ZNF426: variants seen among roughly 807,000 people sequenced by gnomAD.
ZNF426 encodes CTC-543D15.7.
A neutral mutation model predicts 24.0 loss-of-function variants in ZNF426; 23 were observed. That is an observed-to-expected ratio of 0.96 (90% confidence interval 0.69 to 1.36). The LOEUF (loss-of-function observed/expected upper bound fraction) is 1.36. Among genes scored for constraint, ZNF426 ranks in the 40% most tolerant of loss-of-function variants. The pLI, the probability that ZNF426 is intolerant of heterozygous loss-of-function variation, is 0.00. For synonymous variants in ZNF426, 272 were observed against 224.6 expected, an observed-to-expected ratio of 1.21 and a Z score of -1.89; for missense variants, 646 against 658.4, an observed-to-expected ratio of 0.98 and a Z score of 0.21.
At position 9,538,566 on chromosome 19, in the gene ZNF426, G is replaced by C. The variant is rs150566741; in HGVS notation, c.-212+9C>G. The C allele has an allele frequency of 6.6e-6, 1 of 152,170 alleles. No homozygotes were observed. The highest frequency in any genetic ancestry group is 1.5e-5 in the Non-Finnish European group (1 of 68,112). The allele number at this position is 152,170 out of a possible 1,614,324, so 9.4% of individuals were successfully genotyped here. On this transcript the variant is annotated intron_variant, in intron 1 of 7. Transcript: ENST00000253115. Reference sequence around the variant, plus strand: ...CACCCCAAAACCAGTTCATCTCCTCGGAACTCACCCAGGCCAGTGAGGCCT... The same window carrying C: ...CACCCCAAAACCAGTTCATCTCCTCCGAACTCACCCAGGCCAGTGAGGCCT...
intron 6 of ZNF426, 21 bp downstream of exon 6, chr19:9,532,824 T>G: frequency 1.3e-6 from 2 of 1,586,944 alleles, no homozygotes; most frequent in Non-Finnish European, 1.7e-6. Context: ...TCAACCAGAG[T>G]TGTTCTTCAT....
intron 2 of ZNF426, 62 bp from the exon 3 acceptor site, chr19:9,536,418 C>T (rs2073966528): frequency 6.9e-7 from 1 of 1,456,074 alleles, no homozygotes; most frequent in African/African-American, 1.4e-5. Context: ...AACATATACA[C>T]CGGCTGGGGC....
At chr19:9,529,836 T>G (rs1273803147) in intron 7 of ZNF426, among the ~76,000 whole-genome samples, 200 bp from the exon 8 acceptor site, 7 of 152,186 alleles carry the variant, frequency 4.6e-5, no homozygotes, top group Non-Finnish European at 1.0e-4. Flanking sequence ...TACTTTAATC[T>G]TGGCTAGGCA....
At position 9,531,718 on chromosome 19, in the gene ZNF426, C is replaced by T. The variant is rs373878635; in HGVS notation, c.326-651G>A. Among the ~76,000 whole-genome samples the T allele has an allele frequency of 7.3e-4, 111 of 152,332 alleles. 1 individual carries two copies. The Middle Eastern group carries it at 0.01, about 14-fold the overall frequency. ...CAATTAACTTGGCCGGGCACGGTGG[C>T]TCATGCCTTTAATCCCAGCACTTTG... On this transcript the variant is annotated intron_variant, in intron 6 of 7. Coordinates refer to ENST00000253115, the MANE Select transcript of ZNF426 (RefSeq NM_024106.3).
Position 9,528,341 on chromosome 19 carries a change from T to C in ZNF426, c.*39A>G, listed in dbSNP as rs2073821610. The C allele has an allele frequency of 3.3e-6, 5 of 1,531,874 alleles. No homozygotes were observed. The highest frequency in any genetic ancestry group is 2.1e-5 in the Admixed American group (1 of 47,582). The allele number at this position is 1,531,874 out of a possible 1,614,324, so 94.9% of individuals were successfully genotyped here. A position where few individuals can be genotyped will look rare whatever the true frequency, so the allele number is the denominator to read the frequency against. On this transcript the variant is annotated 3_prime_UTR_variant, in exon 8 of 8. Transcript: ENST00000253115. ...TGTCTTTAAAGTGAACTGGAACAAA[T>C]GAGAGCTTTCCCACATTTATTACAT...
intron 2 of ZNF426, chr19:9,536,680 G>A: frequency 4.7e-6 from 1 of 214,382 alleles, no homozygotes; most frequent in Non-Finnish European, 9.5e-6. Context: ...CCTCAACTGG[G>A]CCTTGATTGG....
rs1368975789 is a variant in ZNF426, at chr19:9,524,433, T to G, written c.*3947A>C. The G allele has an allele frequency of 6.6e-6, 1 of 152,160 alleles. No homozygotes were observed. Among genetic ancestry groups the G allele is most frequent in the Non-Finnish European group, 1.5e-5 (1 of 68,036 alleles). 9.4% of individuals were successfully genotyped at this position (152,160 alleles called of 1,614,324 possible). On this transcript the variant is annotated 3_prime_UTR_variant, in exon 8 of 8. Coordinates refer to ENST00000253115, the MANE Select transcript of ZNF426 (RefSeq NM_024106.3). ...GAGAGCTTTACCACAATTCTAACATTGATAAGATTTCTCTCCAGTGTGAGT... is the reference window on the plus strand; with the variant it reads ...GAGAGCTTTACCACAATTCTAACATGGATAAGATTTCTCTCCAGTGTGAGT...
In ZNF426 at chr19:9,525,838, T is replaced by G. The variant is rs1177461094; in HGVS notation, c.*2542A>C. 2 of 152,006 alleles carry G rather than the reference T, an allele frequency of 1.3e-5. No individual in the cohort carries two copies. The highest frequency in any genetic ancestry group is 2.9e-5 in the Non-Finnish European group (2 of 68,056). 9.4% of individuals were successfully genotyped at this position (152,006 alleles called of 1,614,324 possible). ...GACAGTGTCTCACTGTTTCCCAGGC[T>G]GGAGTGCAGTATCACAATCTCGGCT... On this transcript the variant is annotated 3_prime_UTR_variant, in exon 8 of 8. Transcript: ENST00000253115.
In ZNF426 at chr19:9,527,910, G is replaced by C. The variant is rs2073814106; in HGVS notation, c.*470C>G. Reference sequence around the variant, plus strand: ...ATCTTCTATTTGTTGTCTCAGTTGTGTCTTTCTCTTCTTATAGGGACACCA... The same window carrying C: ...ATCTTCTATTTGTTGTCTCAGTTGTCTCTTTCTCTTCTTATAGGGACACCA... On this transcript the variant is annotated 3_prime_UTR_variant, in exon 8 of 8. Coordinates refer to ENST00000253115, the MANE Select transcript of ZNF426 (RefSeq NM_024106.3). 6.5e-6 allele frequency: 1 copy of C among 153,324 alleles called. No individual in the cohort carries two copies. The highest frequency in any genetic ancestry group is 1.4e-5 in the Non-Finnish European group (1 of 69,076). 9.5% of individuals were successfully genotyped at this position (153,324 alleles called of 1,614,324 possible).
rs530550695 is a variant in ZNF426, at chr19:9,533,982, C to T, written c.118-16G>A. ...TCACTGAATCCTAAAGCATCACACA[C>T]ATGCTGGTTGGAGCCAAGTAACAAG... On this transcript the variant is annotated splice_polypyrimidine_tract_variant and intron_variant, in intron 4 of 7. Coordinates refer to ENST00000253115, the MANE Select transcript of ZNF426 (RefSeq NM_024106.3). The T allele has an allele frequency of 3.7e-6, 6 of 1,610,406 alleles. No homozygotes were observed. In the African/African-American group the frequency reaches 8.0e-5, roughly 22 times the overall value.
At chr19:9,536,501 G>A in intron 2 of ZNF426, 145 bp from the exon 3 acceptor site, 1 of 649,482 alleles carries the variant, frequency 1.5e-6, no homozygotes, top group Non-Finnish European at 2.5e-6. Context: ...AGAAGTTTGA[G>A]ACCAGCCTGG....
intron 7 of ZNF426, among the ~76,000 whole-genome samples, chr19:9,530,154 T>TG (rs2073861198): frequency 6.6e-6 from 1 of 152,054 alleles, no homozygotes; most frequent in South Asian, 2.1e-4. Context: ...AACAGATTTC[T>TG]GTAGAATTCA....
At chr19:9,536,424 G>C in intron 2 of ZNF426, 68 bp from the exon 3 acceptor site, 1 of 1,435,508 alleles carries the variant, frequency 7.0e-7, no homozygotes, top group African/African-American at 1.4e-5. Flanking sequence ...TACACCGGCT[G>C]GGGCAGTAGC....
chr19:9,527,849 G>A lies in ZNF426; in HGVS notation c.*531C>T, dbSNP rs1485522605. The A allele has an allele frequency of 6.6e-6, 1 of 152,406 alleles. No homozygotes were observed. The highest frequency in any genetic ancestry group is 2.4e-5 in the African/African-American group (1 of 41,372). 9.4% of individuals were successfully genotyped at this position (152,406 alleles called of 1,614,324 possible). A position where few individuals can be genotyped will look rare whatever the true frequency, so the allele number is the denominator to read the frequency against. On this transcript the variant is annotated 3_prime_UTR_variant, in exon 8 of 8. Transcript: ENST00000253115. ...GGATCTGTCCCAGTGCTCTGTCTTT[G>A]GCTTGCAGATGGCCATCATCTGATG...
Position 9,528,491 on chromosome 19 carries a change from G to A in ZNF426, c.1554C>T (p.Ser518=). 1 of 1,613,982 alleles carries A rather than the reference G, an allele frequency of 6.2e-7. No individual in the cohort carries two copies. The highest frequency in any genetic ancestry group is 1.1e-5 in the South Asian group (1 of 91,068). ...TGTGAGTTTTTTCATGAATTCTAAA[G>A]GAACTGGAACACGTGAAGGCTTTCC... ...ECGKAFTCSS[S]FRIHEKTHTE... The change falls in exon 8 of 8, where the codon TCC becomes TCT. Residue 518 remains serine (S), a synonymous_variant. Transcript: ENST00000253115.
In ZNF426 at chr19:9,525,268, A is replaced by AT. The variant is rs1189627963; in HGVS notation, c.*3111dup. 5 of 151,758 alleles carry AT rather than the reference A, an allele frequency of 3.3e-5. No homozygotes were observed. The highest frequency in any genetic ancestry group is 2.6e-4 in the Admixed American group (4 of 15,224). 9.4% of individuals were successfully genotyped at this position (151,758 alleles called of 1,614,324 possible). On this transcript the variant is annotated 3_prime_UTR_variant, in exon 8 of 8. Coordinates refer to ENST00000253115, the MANE Select transcript of ZNF426 (RefSeq NM_024106.3). Reference sequence around the variant, plus strand: ...CGTCTCAAAAAAAATAAAAATAAAAATAAAAATAAAAATAAAAATAAAAAG... The same window carrying AT: ...CGTCTCAAAAAAAATAAAAATAAAAATTAAAAATAAAAATAAAAATAAAAAG...
Position 9,528,303 on chromosome 19 carries a change from G to T in ZNF426, c.*77C>A. On this transcript the variant is annotated 3_prime_UTR_variant, in exon 8 of 8. Coordinates refer to ENST00000253115, the MANE Select transcript of ZNF426 (RefSeq NM_024106.3). Reference sequence around the variant, plus strand: ...TTTCATGCAGCTTCTTCTCTCCAGAGTGAGTTCATTCATGTCTTTAAAGTG... The same window carrying T: ...TTTCATGCAGCTTCTTCTCTCCAGATTGAGTTCATTCATGTCTTTAAAGTG... 1 of 1,381,666 alleles carries T rather than the reference G, an allele frequency of 7.2e-7. No individual in the cohort carries two copies. The highest frequency in any genetic ancestry group is 9.9e-7 in the Non-Finnish European group (1 of 1,014,760). The allele number at this position is 1,381,666 out of a possible 1,614,324, so 85.6% of individuals were successfully genotyped here.
At position 9,535,208 on chromosome 19, in the gene ZNF426, AG is replaced by A; in HGVS notation, c.96del (p.Cys33AlafsTer2). ...TTTACCTGATAACAATCTGTTAGGC[AG>A]TCAGCCACTATTCTTCCTGCTGGTG... ...EKTPAGRIVA[D>X]CLTDCYQDSV... is the part of the protein sequence containing the mutation. On this transcript the variant is annotated frameshift_variant, in exon 4 of 8. Coordinates refer to ENST00000253115, the MANE Select transcript of ZNF426 (RefSeq NM_024106.3). LOFTEE classifies it high-confidence loss of function. 6.2e-7 allele frequency: 1 copy of A among 1,613,484 alleles called. No individual in the cohort carries two copies.
At chr19:9,532,422 G>A (rs2073900559) in intron 6 of ZNF426, among the ~76,000 whole-genome samples, 1 of 150,884 alleles carries the variant, frequency 6.6e-6, no homozygotes, top group Admixed American at 6.6e-5. Flanking sequence ...TCAGTCTCCT[G>A]AGTTACTGGG....
Sources: gnomAD v4.1 joint callset for allele counts (sites outside exome capture counted in the v4.1 genomes callset) on GRCh38, gnomAD v4.1.1 for gene constraint, MANE v1.5 for transcripts, NCBI Gene and HGNC (gene_info 2026-07-23, HGNC 2026-07-21) for gene names.